The following KCTD16 variants were observed in gnomAD, a reference collection of about 807,000 sequenced individuals.
The protein encoded by KCTD16 is BTB/POZ domain-containing protein KCTD16.
Under a neutral mutation model 33.2 loss-of-function variants are expected in KCTD16, and 13 were observed. That is an observed-to-expected ratio of 0.39 (90% CI 0.25 to 0.62). The LOEUF (loss-of-function observed/expected upper bound fraction) is 0.62, where lower values mean the gene tolerates loss of function less well. Ranked by LOEUF, KCTD16 falls within the 20% of genes least tolerant of loss-of-function variation. The pLI is 0.50. For missense variants in KCTD16, 441 were observed against 525.1 expected (o/e 0.84, Z 1.57); for synonymous variants, 197 against 195.3 (o/e 1.01, Z -0.07).
chr5:144,355,625 T>C lies in KCTD16; in HGVS notation c.833-118035T>C, dbSNP rs545810308. Reference sequence around the variant, plus strand: ...TATCCACTCATAGTTCTCAAACTCATATCTCCTCCTACTTATCATTTCTTT... The same window carrying C: ...TATCCACTCATAGTTCTCAAACTCACATCTCCTCCTACTTATCATTTCTTT... On this transcript the variant is annotated intron_variant, in intron 3 of 3. Coordinates refer to ENST00000512467, the MANE Select transcript of KCTD16 (RefSeq NM_020768.4). Among the ~76,000 whole-genome samples the C allele has an allele frequency of 2.0e-5, 3 of 152,282 alleles. No homozygotes were observed. In the East Asian group the frequency reaches 5.8e-4, roughly 29 times the overall value.
At chr5:144,256,090 G>A (rs1210679857) in intron 3 of KCTD16, among the ~76,000 whole-genome samples, 1 of 152,154 alleles carries the variant, frequency 6.6e-6, no homozygotes, top group Non-Finnish European at 1.5e-5. Flanking sequence ...GATAAAATGA[G>A]ATTATGACTG....
intron 3 of KCTD16, among the ~76,000 whole-genome samples, chr5:144,313,793 T>C (rs2126879439): frequency 6.6e-6 from 1 of 152,264 alleles, no homozygotes; most frequent in South Asian, 2.1e-4. Context: ...CTTTTGCTCT[T>C]AGTAGTAGTT....
intron 3 of KCTD16, among the ~76,000 whole-genome samples, chr5:144,417,250 T>C (rs1269535341): frequency 2.6e-5 from 4 of 152,180 alleles, no homozygotes; most frequent in African/African-American, 9.6e-5. Context: ...AGAGTTCTAA[T>C]TTCTTTACCT....
chr5:144,298,772 T>TA (rs906115670), intron 3 of KCTD16, among the ~76,000 whole-genome samples: 2 of 151,996 alleles, frequency 1.3e-5, no homozygotes, highest in African/African-American at 4.8e-5. Context: ...TTTACTGATT[T>TA]ACCTTCATCT....
intron 2 of KCTD16, among the ~76,000 whole-genome samples, chr5:144,197,398 A>C (rs1752959308): frequency 6.6e-6 from 1 of 152,214 alleles, no homozygotes; most frequent in Admixed American, 6.5e-5. Flanking sequence ...TCAGGAGTAA[A>C]GAAAATTAGA....
intron 3 of KCTD16, among the ~76,000 whole-genome samples, chr5:144,399,074 T>G (rs148837966): frequency 5.4e-4 from 82 of 152,302 alleles, no homozygotes; most frequent in African/African-American, 1.9e-3. Flanking sequence ...TTAAAGCTAG[T>G]GTTGACTGAA....
intron 3 of KCTD16, among the ~76,000 whole-genome samples, chr5:144,388,313 C>A (rs1428519545): frequency 6.6e-6 from 1 of 151,918 alleles, no homozygotes; most frequent in African/African-American, 2.4e-5. Flanking sequence ...GATCTACTGA[C>A]CTCGTGATCC....
At chr5:144,408,401 C>T (rs1001048407) in intron 3 of KCTD16, among the ~76,000 whole-genome samples, 2 of 152,200 alleles carry the variant, frequency 1.3e-5, no homozygotes, top group Non-Finnish European at 1.5e-5. Flanking sequence ...CACTTATGCA[C>T]AGTCAGATTG....
Position 144,206,616 on chromosome 5 carries a change from A to G in KCTD16, c.-99A>G, listed in dbSNP as rs1016090407. The G allele has an allele frequency of 8.6e-6, 9 of 1,041,216 alleles. No individual in the cohort carries two copies. Among genetic ancestry groups the G allele is most frequent in the Non-Finnish European group, 1.1e-5 (8 of 707,128 alleles). 64.5% of individuals were successfully genotyped at this position (1,041,216 alleles called of 1,614,324 possible). The stretch of plus-strand genomic sequence containing the variant: ...GGAGGTCATTTTTTAATAAGTTAGC[A>G]TCCTTTTCCCTTTCTTACAAGTTGA... On this transcript the variant is annotated 5_prime_UTR_variant, in exon 3 of 4. Transcript: ENST00000512467.
chr5:144,315,046 A>G (rs1751868694), intron 3 of KCTD16, among the ~76,000 whole-genome samples: 1 of 152,118 alleles, frequency 6.6e-6, no homozygotes, highest in South Asian at 2.1e-4. Flanking sequence ...CCTTTATTGG[A>G]CTAATTGTTC....
chr5:144,265,389 A>T (rs1195732827), intron 3 of KCTD16, among the ~76,000 whole-genome samples: 1 of 152,194 alleles, frequency 6.6e-6, no homozygotes, highest in Non-Finnish European at 1.5e-5. Context: ...TTTATTCATA[A>T]GGAGAATGAC....
At chr5:144,370,078 T>G (rs1243182859) in intron 3 of KCTD16, among the ~76,000 whole-genome samples, 1 of 152,072 alleles carries the variant, frequency 6.6e-6, no homozygotes, top group Admixed American at 6.6e-5. Context: ...AGGCAGTTTG[T>G]GGGTGCTGGG....
intron 3 of KCTD16, among the ~76,000 whole-genome samples, chr5:144,418,721 T>G (rs1211666416): frequency 6.6e-6 from 1 of 152,192 alleles, no homozygotes; most frequent in African/African-American, 2.4e-5. Context: ...TTAACAAGTG[T>G]GGAAGTTATG....
chr5:144,327,478 C>A (rs1195333807), intron 3 of KCTD16, among the ~76,000 whole-genome samples: 1 of 152,034 alleles, frequency 6.6e-6, no homozygotes, highest in African/African-American at 2.4e-5. Context: ...TCCATGGTAT[C>A]CAATATAGAG....
intron 3 of KCTD16, among the ~76,000 whole-genome samples, chr5:144,468,389 G>A (rs2126998785): frequency 6.6e-6 from 1 of 152,246 alleles, no homozygotes; most frequent in East Asian, 1.9e-4. Context: ...TGACTCTGAT[G>A]GATGCGTGGC....
At position 144,465,149 on chromosome 5, in the gene KCTD16, A is replaced by G. The variant is rs77164513; in HGVS notation, c.833-8511A>G. Among the ~76,000 whole-genome samples the G allele has an allele frequency of 9.0e-3, 1,359 of 150,786 alleles. 22 individuals carry two copies. Among genetic ancestry groups the G allele is most frequent in the African/African-American group, 0.031 (1,272 of 40,748 alleles). ...CATAGGATAGGTGTTTGATAAATGT[A>G]GATCAGTCTTATCACATACATAGTC... On this transcript the variant is annotated intron_variant, in intron 3 of 3. Transcript: ENST00000512467.
intron 2 of KCTD16, chr5:144,205,619 G>A (rs1407804649): frequency 1.0e-5 from 4 of 398,556 alleles, no homozygotes; most frequent in Non-Finnish European, 1.8e-5. Context: ...TTTCTGAAAA[G>A]CTTCTAAGTC....
At chr5:144,286,511 C>G (rs1181035228) in intron 3 of KCTD16, among the ~76,000 whole-genome samples, 1 of 152,174 alleles carries the variant, frequency 6.6e-6, no homozygotes, top group Non-Finnish European at 1.5e-5. Flanking sequence ...TTCAATTCAA[C>G]AAATAGTCAT....
intron 3 of KCTD16, among the ~76,000 whole-genome samples, chr5:144,259,366 T>C (rs1754943623): frequency 6.6e-6 from 1 of 151,614 alleles, no homozygotes; most frequent in Admixed American, 6.6e-5. Context: ...TAGTATCAAA[T>C]TGAAATGTTC....
Sources: gnomAD v4.1 joint callset for allele counts (sites outside exome capture counted in the v4.1 genomes callset) on GRCh38, gnomAD v4.1.1 for gene constraint, MANE v1.5 for transcripts, NCBI Gene and HGNC (gene_info 2026-07-23, HGNC 2026-07-21) for gene names.